The following NUP205 variants were observed in gnomAD, a reference collection of about 807,000 sequenced individuals.
NUP205 encodes nucleoporin 205.
NUP205 carries 76 observed loss-of-function variants against 253.8 expected under a neutral mutation model. The observed-to-expected ratio is 0.30, with a 90% CI of 0.25 to 0.36. The LOEUF (loss-of-function observed/expected upper bound fraction) is 0.36, where lower values mean the gene tolerates loss of function less well. Among genes scored for constraint, NUP205 ranks in the 10% least tolerant of loss-of-function variants. NUP205 has a pLI of 1.00. For missense variants in NUP205, 2,162 were observed against 2,425.5 expected (o/e 0.89, Z 2.28); for synonymous variants, 832 against 850.1 (o/e 0.98, Z 0.37).
intron 1 of NUP205, among the ~76,000 whole-genome samples, chr7:135,560,315 C>T (rs1457227434): frequency 6.6e-6 from 1 of 152,160 alleles, no homozygotes; most frequent in African/African-American, 2.4e-5. Flanking sequence ...TCCTTTAGTA[C>T]ATACTCGCCC....
intron 35 of NUP205, 73 bp downstream of exon 35, chr7:135,630,543 T>C: frequency 1.4e-6 from 2 of 1,405,894 alleles, no homozygotes; most frequent in Non-Finnish European, 1.9e-6. Context: ...ATGAGTTTTT[T>C]TGTTACTTTG....
In NUP205 at chr7:135,617,690, C is replaced by A; in HGVS notation, c.3771+8C>A. On this transcript the variant is annotated splice_region_variant and intron_variant, in intron 27 of 42. Coordinates refer to ENST00000285968, the MANE Select transcript of NUP205 (RefSeq NM_015135.3). ...AGACCTCTACTAATGGAGGTAAGCT[C>A]TATTGAGTATGTGTTCGTTTCAAAC... 6.4e-7 allele frequency: 1 copy of A among 1,570,812 alleles called. No homozygotes were observed. Among genetic ancestry groups the A allele is most frequent in the Middle Eastern group, 1.7e-4 (1 of 5,964 alleles).
chr7:135,629,529 CTT>C (rs767221141), intron 34 of NUP205, among the ~76,000 whole-genome samples: 23,065 of 126,006 alleles, frequency 0.18, 1,880 homozygotes, highest in South Asian at 0.26. Context: ...CTCTGTCTCT[CTT>C]TTTTTTTTTT....
intron 35 of NUP205, among the ~76,000 whole-genome samples, chr7:135,634,338 T>C (rs1048789622): frequency 6.6e-6 from 1 of 152,198 alleles, no homozygotes; most frequent in Admixed American, 6.5e-5. Context: ...CTGGAAGTCC[T>C]TTTAAATTGA....
intron 19 of NUP205, 77 bp from the exon 20 acceptor site, chr7:135,606,068 A>C: frequency 1.0e-6 from 1 of 952,452 alleles, no homozygotes; most frequent in Non-Finnish European, 1.7e-6. Context: ...ATGAATATTT[A>C]CATATATCAA....
intron 15 of NUP205, 62 bp from the exon 16 acceptor site, chr7:135,600,808 C>A: frequency 1.1e-6 from 1 of 904,496 alleles, no homozygotes; most frequent in Non-Finnish European, 1.7e-6. Context: ...GAGTGAAAAG[C>A]CTTGCAAGGC....
intron 1 of NUP205, among the ~76,000 whole-genome samples, chr7:135,566,781 A>G (rs888152650): frequency 6.6e-6 from 1 of 152,022 alleles, no homozygotes; most frequent in African/African-American, 2.4e-5. Context: ...TCTGTTGCCC[A>G]GGCTGAAGCG....
At chr7:135,612,908 T>C (rs1321690238) in intron 22 of NUP205, among the ~76,000 whole-genome samples, 1 of 152,124 alleles carries the variant, frequency 6.6e-6, no homozygotes, top group Non-Finnish European at 1.5e-5. Context: ...GCCTGGTACA[T>C]GGAAAGCATC....
chr7:135,581,421 G>T (rs1806300224), intron 7 of NUP205, among the ~76,000 whole-genome samples: 1 of 151,894 alleles, frequency 6.6e-6, no homozygotes, highest in South Asian at 2.1e-4. Context: ...CATGCCCTTG[G>T]CTGTAGTCCC....
At chr7:135,630,494 T>G in intron 35 of NUP205, 24 bp downstream of exon 35, 1 of 1,569,528 alleles carries the variant, frequency 6.4e-7, no homozygotes, top group Non-Finnish European at 8.6e-7. Flanking sequence ...GTTGAAAGGA[T>G]TTTTAATAAT....
rs905956610 is a variant in NUP205 at position 135,578,830 on chromosome 7, T to C, written c.957T>C (p.Leu319=). The stretch of plus-strand genomic sequence containing the variant: ...ACTCTCGTCTTCAGGACTCACAGCT[T>C]TGGAAACTGCCTGGGCTCCAAGCCA... ...TIHSRLQDSQ[L]WKLPGLQATV... is the part of the protein sequence containing the mutation. Residue 319 remains leucine, a synonymous_variant, in exon 7 of 43, where the codon CTT becomes CTC. Coordinates refer to ENST00000285968, the MANE Select transcript of NUP205 (RefSeq NM_015135.3). 2 of 1,612,246 alleles carry C rather than the reference T, an allele frequency of 1.2e-6. No individual in the cohort carries two copies. Among genetic ancestry groups the C allele is most frequent in the African/African-American group, 1.3e-5 (1 of 74,908 alleles).
rs770621343 is a variant in NUP205, at chr7:135,648,381, A to T, written c.5887-23A>T. On this transcript the variant is annotated intron_variant, in intron 42 of 42. Coordinates refer to ENST00000285968, the MANE Select transcript of NUP205 (RefSeq NM_015135.3). ...ATATTTGAGACAACAATTTTAACAA[A>T]ATGTCTTTTGTGTCACCGCTAGCTT... The T allele has an allele frequency of 1.9e-5, 29 of 1,516,440 alleles. No homozygotes were observed. In the South Asian group the frequency reaches 3.7e-4, roughly 19 times the overall value. The allele number at this position is 1,516,440 out of a possible 1,614,324, so 93.9% of individuals were successfully genotyped here. A position where few individuals can be genotyped will look rare whatever the true frequency, so the allele number is the denominator to read the frequency against.
intron 30 of NUP205, among the ~76,000 whole-genome samples, chr7:135,621,720 A>G (rs1171472315): frequency 6.6e-6 from 1 of 152,192 alleles, no homozygotes; most frequent in East Asian, 1.9e-4. Flanking sequence ...TTTCAACTAA[A>G]AAAAAGAATA....
chr7:135,572,962 T>C (rs1420306380), intron 2 of NUP205, among the ~76,000 whole-genome samples: 5 of 150,218 alleles, frequency 3.3e-5, no homozygotes, highest in African/African-American at 9.8e-5. Flanking sequence ...TTTTTCTTTT[T>C]TTTTCTTTTT....
chr7:135,585,076 C>A, intron 8 of NUP205, 69 bp downstream of exon 8: 1 of 1,316,598 alleles, frequency 7.6e-7, no homozygotes, highest in Non-Finnish European at 1.0e-6. Flanking sequence ...ACTGATTAAC[C>A]AGCTTTATGT....
chr7:135,647,622 T>A (rs1185833887), intron 42 of NUP205, among the ~76,000 whole-genome samples: 1 of 152,206 alleles, frequency 6.6e-6, no homozygotes, highest in African/African-American at 2.4e-5. Flanking sequence ...TGGGCTCAAG[T>A]GATTCTCCCG....
In NUP205 at chr7:135,557,963, G is replaced by T. The variant is rs1462605087; in HGVS notation, c.19G>T (p.Val7Leu). The change falls in exon 1 of 43, where the codon GTA becomes TTA. Residue 7 changes from valine to leucine, a missense_variant. By Grantham distance (32) the Val-to-Leu change is conservative (BLOSUM62 1). Around this residue, in one of 5 missense-constraint regions of NUP205, gnomAD observed 109 missense variants for 131.8 expected, o/e 0.83. Transcript: ENST00000285968. MATPLA[V>L]NSAASLWGPY... ...CTCTAAGATGGCGACGCCTTTGGCG[G>T]TAAATTCGGGTAAGTGTGGCCAGAC... The T allele has an allele frequency of 1.9e-6, 3 of 1,613,398 alleles. No individual in the cohort carries two copies. The East Asian group carries it at 6.7e-5, about 36-fold the overall frequency.
In NUP205 at chr7:135,645,579, A is replaced by G; in HGVS notation, c.5795A>G (p.Lys1932Arg). ...DSLFASRTLF[K>R]SRRLQDSFAS... ...TTATTTGCCTCGAGAACCTTGTTTA[A>G]AAGCAGAAGACTGCAAGGTAAACTT... Residue 1932 changes from lysine to arginine, a missense_variant, in exon 41 of 43, where the codon AAA becomes AGA. By Grantham distance (26) the Lys-to-Arg change is conservative. Coordinates refer to ENST00000285968, the MANE Select transcript of NUP205 (RefSeq NM_015135.3). 5 of 1,614,058 alleles carry G rather than the reference A, an allele frequency of 3.1e-6. No homozygotes were observed. Among genetic ancestry groups the G allele is most frequent in the Non-Finnish European group, 4.2e-6 (5 of 1,180,018 alleles).
chr7:135,612,000 G>T (rs1487207201), intron 22 of NUP205, among the ~76,000 whole-genome samples: 3 of 151,900 alleles, frequency 2.0e-5, no homozygotes, highest in Non-Finnish European at 2.9e-5. Flanking sequence ...GGCACCTGTA[G>T]TCCCAGCTAC....
Sources: allele counts gnomAD v4.1 joint callset (sites outside exome capture counted in the v4.1 genomes callset), GRCh38; gene constraint gnomAD v4.1.1; regional missense constraint gnomAD v4.1.1; transcripts MANE v1.5; gene names NCBI Gene and HGNC (gene_info 2026-07-23, HGNC 2026-07-21).